Variants in RAB6A observed in about 807,000 individuals in gnomAD.
The protein encoded by RAB6A is RAB6A, member RAS oncogene family.
A neutral mutation model predicts 32.3 loss-of-function variants in RAB6A; 8 were observed. The ratio of observed to expected loss-of-function variants is 0.25; its 90% CI spans 0.15 to 0.45. The LOEUF is 0.45. RAB6A is among the 20% of genes least tolerant of loss of function. The pLI is 1.00. For missense variants in RAB6A, 104 were observed against 249.4 expected (o/e 0.42, Z 3.93); for synonymous variants, 73 against 82.1 (o/e 0.89, Z 0.60).
At chr11:73,716,499 A>T (rs1946055696) in intron 4 of RAB6A, 137 bp from the exon 5 acceptor site, 1 of 558,412 alleles carries the variant, frequency 1.8e-6, no homozygotes, top group Non-Finnish European at 3.3e-6. Context: ...TGTGCCTGCA[A>T]CATAACTCCA....
intron 1 of RAB6A, 75 bp from the exon 2 acceptor site, chr11:73,730,898 A>G: frequency 9.3e-7 from 1 of 1,076,644 alleles, no homozygotes; most frequent in Non-Finnish European, 1.4e-6. Context: ...TCTACAGAGA[A>G]CTGCAATTAA....
chr11:73,722,303 GTGTATATATATATA>G (rs1179456161), intron 2 of RAB6A: 48 of 13,916 alleles, frequency 3.4e-3, no homozygotes, highest in African/African-American at 9.8e-3. Context: ...ATATGTGTGT[GTGTATATATATATA>G]TATATATATA....
intron 5 of RAB6A, among the ~76,000 whole-genome samples, chr11:73,708,598 T>C (rs1178226665): frequency 2.0e-5 from 3 of 152,246 alleles, no homozygotes; most frequent in African/African-American, 2.4e-5. Flanking sequence ...ATTAGCACTA[T>C]GTCTCAAATT....
intron 1 of RAB6A, among the ~76,000 whole-genome samples, chr11:73,742,629 C>A (rs566377328): frequency 6.6e-6 from 1 of 152,002 alleles, no homozygotes. Flanking sequence ...CTGACCAACA[C>A]GGAGAAACCC....
chr11:73,707,578 A>G (rs1170646466), intron 5 of RAB6A, 65 bp from the exon 6 acceptor site: 4 of 1,225,036 alleles, frequency 3.3e-6, no homozygotes, highest in Non-Finnish European at 2.4e-6. Flanking sequence ...GATTATAAAG[A>G]AAGCTCTGAA....
intron 1 of RAB6A, among the ~76,000 whole-genome samples, chr11:73,739,452 A>G (rs1946460764): frequency 6.7e-6 from 1 of 149,504 alleles, no homozygotes. Context: ...ATGAGTCATG[A>G]GCCACCAGTG....
intron 2 of RAB6A, 39 bp downstream of exon 2, chr11:73,730,726 A>T: frequency 6.7e-7 from 1 of 1,492,888 alleles, no homozygotes; most frequent in Non-Finnish European, 9.2e-7. Context: ...TACTTGTAAC[A>T]AAAAATAGAC....
intron 1 of RAB6A, among the ~76,000 whole-genome samples, chr11:73,745,770 T>G (rs1296231133): frequency 1.3e-5 from 2 of 152,106 alleles, no homozygotes; most frequent in Middle Eastern, 3.4e-3. Context: ...AGGCAGAAGT[T>G]GCAGTGAGCC....
At chr11:73,714,661 C>G (rs1186983200) in intron 5 of RAB6A, among the ~76,000 whole-genome samples, 1 of 151,352 alleles carries the variant, frequency 6.6e-6, no homozygotes, top group Non-Finnish European at 1.5e-5. Flanking sequence ...GACTCCAACT[C>G]AAAAATAAAT....
At chr11:73,723,622 C>A (rs974999073) in intron 2 of RAB6A, among the ~76,000 whole-genome samples, 3 of 152,152 alleles carry the variant, frequency 2.0e-5, no homozygotes, top group Non-Finnish European at 2.9e-5. Context: ...AGCCACTGCG[C>A]CTGGCCGAAA....
chr11:73,696,127 G>T (rs868088176), intron 6 of RAB6A, among the ~76,000 whole-genome samples: 1 of 152,120 alleles, frequency 6.6e-6, no homozygotes, highest in Admixed American at 6.6e-5. Context: ...GAAAGTAAAT[G>T]TAAGAGTAAA....
At chr11:73,722,514 TTA>T (rs1378714244) in intron 2 of RAB6A, 1 of 151,066 alleles carries the variant, frequency 6.6e-6, no homozygotes, top group Non-Finnish European at 1.5e-5. Context: ...CTGTATTTTT[TTA>T]TAGAGACAGG....
intron 6 of RAB6A, among the ~76,000 whole-genome samples, chr11:73,692,788 CAAA>C (rs140762210): frequency 1.2e-4 from 12 of 98,208 alleles, no homozygotes; most frequent in African/African-American, 4.0e-4. Flanking sequence ...ACTAAAAATA[CAAA>C]AAAAAAAAAA....
intron 4 of RAB6A, among the ~76,000 whole-genome samples, chr11:73,717,603 C>T (rs1275988078): frequency 3.9e-5 from 6 of 152,182 alleles, no homozygotes; most frequent in Admixed American, 2.6e-4. Flanking sequence ...CACCACCACA[C>T]CTGGCTAATT....
chr11:73,707,066 C>T (rs376646532), intron 6 of RAB6A, among the ~76,000 whole-genome samples: 2 of 147,768 alleles, frequency 1.4e-5, no homozygotes, highest in East Asian at 4.0e-4. Flanking sequence ...TGCAGTGAGC[C>T]GAGATCACGC....
chr11:73,702,909 T>G (rs1415949920), intron 6 of RAB6A, among the ~76,000 whole-genome samples: 1 of 151,806 alleles, frequency 6.6e-6, no homozygotes, highest in Non-Finnish European at 1.5e-5. Context: ...CAGGCTGGAG[T>G]GCAGTGGTGT....
intron 1 of RAB6A, among the ~76,000 whole-genome samples, chr11:73,738,175 T>C (rs1946431869): frequency 6.6e-6 from 1 of 152,060 alleles, no homozygotes; most frequent in African/African-American, 2.4e-5. Flanking sequence ...TTTTTACTTA[T>C]TTATTTATTT....
chr11:73,685,550 G>A (rs1018968210), intron 6 of RAB6A, among the ~76,000 whole-genome samples: 3 of 92,606 alleles, frequency 3.2e-5, no homozygotes, highest in African/African-American at 1.1e-4. Flanking sequence ...GCCTCCCAAA[G>A]TGCTGGGATT....
chr11:73,712,273 T>C (rs1441608926), intron 5 of RAB6A, among the ~76,000 whole-genome samples: 1 of 152,214 alleles, frequency 6.6e-6, no homozygotes, highest in African/African-American at 2.4e-5. Flanking sequence ...AATCAATTTA[T>C]TACATAGTTC....
Sources: allele counts gnomAD v4.1 joint callset (sites outside exome capture counted in the v4.1 genomes callset), GRCh38; gene constraint gnomAD v4.1.1; transcripts MANE v1.5; gene names NCBI Gene and HGNC (gene_info 2026-07-23, HGNC 2026-07-21).